The following MCM3AP variants were observed in gnomAD, a reference collection of about 807,000 sequenced individuals.
The protein encoded by MCM3AP is germinal-center associated nuclear protein.
Under a neutral mutation model 184.1 loss-of-function variants are expected in MCM3AP, and 126 were observed. That is an observed-to-expected ratio of 0.68 (90% CI 0.59 to 0.79). The LOEUF is 0.79. Ranked by LOEUF, MCM3AP falls within the 30% of genes least tolerant of loss-of-function variation. The pLI is 0.00. For missense variants in MCM3AP, 2,496 were observed against 2,479.2 expected (o/e 1.01, Z -0.14); for synonymous variants, 1,002 against 979.3 (o/e 1.02, Z -0.43).
intron 26 of MCM3AP, among the ~76,000 whole-genome samples, chr21:46,238,717 A>G (rs1727209587): frequency 1.9e-5 from 1 of 52,122 alleles, no homozygotes; most frequent in African/African-American, 9.0e-5. Context: ...AATAAAAAGG[A>G]AAAAAAAATC....
At chr21:46,244,619 G>A (rs2080732400) in intron 23 of MCM3AP, 188 bp downstream of exon 23, 3 of 644,584 alleles carry the variant, frequency 4.7e-6, no homozygotes, top group East Asian at 2.8e-5. Flanking sequence ...ACAAAACCCA[G>A]CTTGTTCTGG....
rs539650647 is a variant in MCM3AP, at chr21:46,274,173, C to A, written c.1999-588G>T. On this transcript the variant is annotated intron_variant, in intron 6 of 27. Transcript: ENST00000291688. ...GCTGGGCTGGGGACCCCGCACCAGG[C>A]GAAGGGTGTATAAAGCCACCAGCCA... Among the ~76,000 whole-genome samples the A allele has an allele frequency of 2.9e-3, 440 of 152,312 alleles. 2 individuals carry two copies. Among genetic ancestry groups the A allele is most frequent in the African/African-American group, 1.0e-2 (414 of 41,556 alleles).
At chr21:46,264,988 G>A (rs1321142161) in intron 12 of MCM3AP, among the ~76,000 whole-genome samples, 1 of 152,132 alleles carries the variant, frequency 6.6e-6, no homozygotes, top group Non-Finnish European at 1.5e-5. Context: ...ACCCACCCAG[G>A]CCACACCCAC....
In MCM3AP at chr21:46,245,152, G is replaced by T; in HGVS notation, c.4693C>A (p.Leu1565Ile). Residue 1565 changes from leucine (L) to isoleucine (I), a missense_variant, in exon 23 of 28, where the codon CTT becomes ATT. Around this residue, in one of 5 missense-constraint regions of MCM3AP, gnomAD observed 1,323 missense variants for 1,273.4 expected, o/e 1.04. Transcript: ENST00000291688. The part of the protein sequence containing the change: ...QWLVSHCPHS[L>I]DLCCQTLIQY... ...ATGAGAGTCTGGCAGCAGAGGTCAA[G>T]GGAATGGGGGCAGTGGGAAACCAGC... 6.2e-7 allele frequency: 1 copy of T among 1,614,174 alleles called. No homozygotes were observed. The highest frequency in any genetic ancestry group is 2.2e-5 in the East Asian group (1 of 44,890).
In MCM3AP at chr21:46,285,304, A is replaced by G. The variant is rs1350764886; in HGVS notation, c.-18T>C. On this transcript the variant is annotated 5_prime_UTR_variant, in exon 1 of 28. Coordinates refer to ENST00000291688, the MANE Select transcript of MCM3AP (RefSeq NM_003906.5). ...GGGTTCATCTTCTGCTCCAATTATT[A>G]GAAGGTAATTAAGTATTATGTGTAC... 1 of 1,557,974 alleles carries G rather than the reference A, an allele frequency of 6.4e-7. No individual in the cohort carries two copies. Among genetic ancestry groups the G allele is most frequent in the African/African-American group, 1.4e-5 (1 of 73,482 alleles).
chr21:46,260,249 A>G (rs2081024946), intron 15 of MCM3AP, among the ~76,000 whole-genome samples: 1 of 152,230 alleles, frequency 6.6e-6, no homozygotes, highest in Non-Finnish European at 1.5e-5. Flanking sequence ...AACAGTTAAG[A>G]AATAAACCTT....
rs1476347934 is a variant in MCM3AP, at chr21:46,283,654, C to T, written c.1404G>A (p.Arg468=). Residue 468 remains arginine, a synonymous_variant, in exon 2 of 28, where the codon AGG becomes AGA. Transcript: ENST00000291688. ...KIAKVQRIFT[R]RSKKLAVVHF... ...GTACCACTGCAAGCTTTTTGCTGCGCCTGGTAAAGATGCGCTGCACTTTAG... is the reference window on the plus strand; with the variant it reads ...GTACCACTGCAAGCTTTTTGCTGCGTCTGGTAAAGATGCGCTGCACTTTAG... The T allele has an allele frequency of 6.2e-7, 1 of 1,614,064 alleles. No homozygotes were observed. The highest frequency in any genetic ancestry group is 2.2e-5 in the East Asian group (1 of 44,892).
At chr21:46,236,586 G>A (rs917113549) in intron 27 of MCM3AP, among the ~76,000 whole-genome samples, 1 of 152,110 alleles carries the variant, frequency 6.6e-6, no homozygotes, top group East Asian at 1.9e-4. Flanking sequence ...ACAGTTACAG[G>A]TCTTATTCAG....
At chr21:46,272,331 A>C (rs1007646321) in intron 8 of MCM3AP, among the ~76,000 whole-genome samples, 1 of 152,158 alleles carries the variant, frequency 6.6e-6, no homozygotes, top group African/African-American at 2.4e-5. Flanking sequence ...AGAAATGAAC[A>C]TGTGGGGCCT....
chr21:46,266,730 G>C (rs2081117239), intron 10 of MCM3AP: 3 of 504,136 alleles, frequency 6.0e-6, no homozygotes, highest in Non-Finnish European at 1.1e-5. Context: ...TTATCTTTAG[G>C]TTTGTCAGCA....
chr21:46,264,076 C>G, intron 13 of MCM3AP, 41 bp downstream of exon 13: 5 of 1,418,462 alleles, frequency 3.5e-6, no homozygotes, highest in Non-Finnish European at 5.0e-6. Flanking sequence ...GTGCAGCTCC[C>G]CGCAGCACGT....
chr21:46,280,426 C>T (rs564240275), intron 3 of MCM3AP, 71 bp downstream of exon 3: 56 of 1,155,372 alleles, frequency 4.8e-5, no homozygotes, highest in East Asian at 4.6e-4. Flanking sequence ...GGCAACATAG[C>T]GAGATCTCAT....
At chr21:46,260,736 TAGGGCA>T in intron 15 of MCM3AP, 51 bp downstream of exon 15, 2 of 1,248,058 alleles carry the variant, frequency 1.6e-6, no homozygotes, top group Admixed American at 1.7e-5. Context: ...AGACACAGCC[TAGGGCA>T]GAGCCAAAGC....
intron 9 of MCM3AP, chr21:46,267,887 A>AC (rs2081133344): frequency 7.3e-6 from 1 of 136,750 alleles, no homozygotes; most frequent in African/African-American, 2.8e-5. Context: ...ACAGAGTGAG[A>AC]ACCAGTGTCT....
rs748232515 is a variant in MCM3AP, at chr21:46,254,862, ATGACAG to A, written c.3933-24_3933-19del. On this transcript the variant is annotated intron_variant, in intron 17 of 27. Coordinates refer to ENST00000291688, the MANE Select transcript of MCM3AP (RefSeq NM_003906.5). ...GCCTTAACCTGCAAAGGAAAGCAGA[ATGACAG>A]TGTCCCCGCAGGAGCTTAGTGAGAA... The A allele has an allele frequency of 2.5e-6, 4 of 1,604,646 alleles. No homozygotes were observed. In the Admixed American group the frequency reaches 5.0e-5, roughly 20 times the overall value.
At chr21:46,262,337 C>A (rs1295246663) in intron 13 of MCM3AP, among the ~76,000 whole-genome samples, 2 of 152,146 alleles carry the variant, frequency 1.3e-5, no homozygotes, top group Non-Finnish European at 2.9e-5. Context: ...CAAAGACAGA[C>A]CAAAGACACT....
At chr21:46,265,858 G>T in intron 11 of MCM3AP, 67 bp downstream of exon 11, 3 of 1,493,978 alleles carry the variant, frequency 2.0e-6, no homozygotes, top group Non-Finnish European at 2.7e-6. Flanking sequence ...AGATGCCCAG[G>T]CTCCTGGGAG....
intron 16 of MCM3AP, among the ~76,000 whole-genome samples, 185 bp from the exon 17 acceptor site, chr21:46,257,171 C>G (rs1173262339): frequency 6.6e-6 from 1 of 152,164 alleles, no homozygotes; most frequent in African/African-American, 2.4e-5. Context: ...AATATGGATA[C>G]AGATTTAAGA....
chr21:46,272,980 T>C, intron 7 of MCM3AP, 151 bp from the exon 8 acceptor site: 2 of 772,748 alleles, frequency 2.6e-6, no homozygotes, highest in Admixed American at 6.6e-5. Flanking sequence ...GTGACTTAAA[T>C]AAAAGTCCTG....
Sources: allele counts gnomAD v4.1 joint callset (sites outside exome capture counted in the v4.1 genomes callset), GRCh38; gene constraint gnomAD v4.1.1; regional missense constraint gnomAD v4.1.1; transcripts MANE v1.5; gene names NCBI Gene and HGNC (gene_info 2026-07-23, HGNC 2026-07-21).